Variants in AGO3 observed in about 807,000 individuals in gnomAD.
AGO3 encodes the protein argonaute RISC catalytic component 3.
A neutral mutation model predicts 105.5 loss-of-function variants in AGO3; 16 were observed. The observed-to-expected ratio is 0.15, with a 90% CI of 0.10 to 0.23. AGO3 has a LOEUF of 0.23. Ranked by LOEUF, AGO3 falls within the 10% of genes least tolerant of loss-of-function variation. The pLI, the probability that AGO3 is intolerant of heterozygous loss-of-function variation, is 1.00. For missense variants in AGO3, 534 were observed against 1,088.0 expected (o/e 0.49, Z 7.16); for synonymous variants, 340 against 367.3 (o/e 0.93, Z 0.85).
intron 17 of AGO3, among the ~76,000 whole-genome samples, chr1:36,049,027 G>A (rs1452471527): frequency 6.6e-6 from 1 of 152,120 alleles, no homozygotes; most frequent in East Asian, 1.9e-4. Flanking sequence ...TTTTTTAAAA[G>A]AATGAAACCA....
intron 17 of AGO3, among the ~76,000 whole-genome samples, chr1:36,047,970 A>T (rs1270653520): frequency 6.6e-6 from 1 of 152,170 alleles, no homozygotes; most frequent in African/African-American, 2.4e-5. Flanking sequence ...CTCCAAACAG[A>T]TCGAACCCTA....
chr1:35,942,235 C>T lies in AGO3; in HGVS notation c.20-3457C>T, dbSNP rs542528307. Among the ~76,000 whole-genome samples, 3 of 152,230 alleles carry T rather than the reference C, an allele frequency of 2.0e-5. No individual in the cohort carries two copies. In the South Asian group the frequency reaches 6.2e-4, roughly 32 times the overall value. ...CACTGAATAAAAGTTATTGTTAGCC[C>T]AATTTTTTATTCCTGATACAAACTC... On this transcript the variant is annotated intron_variant, in intron 1 of 18. Coordinates refer to ENST00000373191, the MANE Select transcript of AGO3 (RefSeq NM_024852.4).
intron 15 of AGO3, 101 bp downstream of exon 15, chr1:36,040,085 A>G: frequency 1.5e-6 from 2 of 1,318,644 alleles, no homozygotes; most frequent in South Asian, 3.0e-5. Flanking sequence ...GAGTTCCCCA[A>G]GTCAAAACTT....
intron 5 of AGO3, among the ~76,000 whole-genome samples, chr1:35,977,998 C>T (rs1646982987): frequency 6.6e-6 from 1 of 152,036 alleles, no homozygotes; most frequent in South Asian, 2.1e-4. Flanking sequence ...TAGTTTAATC[C>T]TTAACCTTTT....
intron 9 of AGO3, among the ~76,000 whole-genome samples, chr1:36,011,868 A>C (rs1269740964): frequency 6.6e-6 from 1 of 152,186 alleles, no homozygotes; most frequent in African/African-American, 2.4e-5. Flanking sequence ...CTGTTTTTGT[A>C]GCTATAAAAT....
At chr1:36,038,500 C>T (rs1642114119) in intron 14 of AGO3, among the ~76,000 whole-genome samples, 1 of 151,996 alleles carries the variant, frequency 6.6e-6, no homozygotes, top group South Asian at 2.1e-4. Flanking sequence ...TGTGATTCGC[C>T]CACCTCGGCC....
intron 3 of AGO3, among the ~76,000 whole-genome samples, chr1:35,970,807 G>A (rs966737659): frequency 1.3e-5 from 2 of 151,432 alleles, no homozygotes; most frequent in Admixed American, 6.6e-5. Context: ...ACAGCTCACT[G>A]CAGCCTCAAC....
At chr1:35,933,596 C>T (rs1646094278) in intron 1 of AGO3, among the ~76,000 whole-genome samples, 1 of 131,908 alleles carries the variant, frequency 7.6e-6, no homozygotes. Flanking sequence ...GAGCTATGAT[C>T]GCGCCACTAA....
At chr1:36,000,288 A>G (rs2148804675) in intron 5 of AGO3, among the ~76,000 whole-genome samples, 1 of 152,274 alleles carries the variant, frequency 6.6e-6, no homozygotes, top group East Asian at 1.9e-4. Flanking sequence ...ACATATTCCT[A>G]ATTCAAAACT....
At chr1:35,987,851 C>T (rs1359200904) in intron 5 of AGO3, among the ~76,000 whole-genome samples, 1 of 151,510 alleles carries the variant, frequency 6.6e-6, no homozygotes, top group East Asian at 1.9e-4. Flanking sequence ...GGGCAGATCA[C>T]GAGGTCAGGA....
At chr1:35,952,895 C>A (rs1008172691) in intron 2 of AGO3, among the ~76,000 whole-genome samples, 1 of 152,088 alleles carries the variant, frequency 6.6e-6, no homozygotes, top group African/African-American at 2.4e-5. Flanking sequence ...GTACTTTATT[C>A]CTTTTTATTG....
intron 2 of AGO3, among the ~76,000 whole-genome samples, chr1:35,965,808 A>T (rs958624261): frequency 1.8e-4 from 26 of 146,914 alleles, no homozygotes; most frequent in African/African-American, 6.6e-4. Context: ...ACTGAGGTAG[A>T]CTTGAATCTC....
chr1:35,984,165 A>T (rs1176235577), intron 5 of AGO3, among the ~76,000 whole-genome samples: 1 of 152,128 alleles, frequency 6.6e-6, no homozygotes, highest in Non-Finnish European at 1.5e-5. Flanking sequence ...CCAAGAGGGG[A>T]AACATATCCA....
At chr1:35,985,455 C>T (rs901211762) in intron 5 of AGO3, among the ~76,000 whole-genome samples, 1 of 152,166 alleles carries the variant, frequency 6.6e-6, no homozygotes, top group Non-Finnish European at 1.5e-5. Flanking sequence ...CACATGGCTT[C>T]AGGTGCAGGA....
intron 9 of AGO3, among the ~76,000 whole-genome samples, chr1:36,013,061 C>G (rs1640700344): frequency 6.6e-6 from 1 of 152,040 alleles, no homozygotes; most frequent in Non-Finnish European, 1.5e-5. Context: ...CTCAGCCTCC[C>G]AAATAGCTGG....
chr1:36,041,287 G>C (rs977745760), intron 16 of AGO3, among the ~76,000 whole-genome samples: 3 of 141,200 alleles, frequency 2.1e-5, no homozygotes, highest in Admixed American at 7.4e-5. Context: ...TGTCGCCCAG[G>C]TTGGAGTGCG....
At position 36,064,786 on chromosome 1, in the gene AGO3, AGCCCCGC is replaced by A. The variant is rs1261258445; in HGVS notation, c.*9042_*9048del. 6.6e-6 allele frequency: 1 copy of A among 152,210 alleles called. No homozygotes were observed. Among genetic ancestry groups the A allele is most frequent in the Non-Finnish European group, 1.5e-5 (1 of 68,040 alleles). 9.4% of individuals were successfully genotyped at this position (152,210 alleles called of 1,614,324 possible). On this transcript the variant is annotated 3_prime_UTR_variant, in exon 19 of 19. Transcript: ENST00000373191. ...ATGATATACTATTCTGAGATACTTC[AGCCCCGC>A]ACACATCAAGTACTAATTGTATACA...
chr1:36,018,883 C>T (rs1415113899), intron 11 of AGO3, among the ~76,000 whole-genome samples: 1 of 151,934 alleles, frequency 6.6e-6, no homozygotes, highest in Non-Finnish European at 1.5e-5. Flanking sequence ...TCTTGATCCA[C>T]AATCTTGGGA....
chr1:35,949,086 G>C (rs186439629), intron 2 of AGO3, among the ~76,000 whole-genome samples: 5 of 152,226 alleles, frequency 3.3e-5, no homozygotes, highest in African/African-American at 1.2e-4. Context: ...TGGAATTACA[G>C]GCATGTGCCA....
Sources: gnomAD v4.1 joint callset for allele counts (sites outside exome capture counted in the v4.1 genomes callset) on GRCh38, gnomAD v4.1.1 for gene constraint, MANE v1.5 for transcripts, NCBI Gene and HGNC (gene_info 2026-07-23, HGNC 2026-07-21) for gene names.